The following PAX1 variants were observed in gnomAD, a reference collection of about 807,000 sequenced individuals.
PAX1 encodes paired box protein Pax-1.
A neutral mutation model predicts 35.6 loss-of-function variants in PAX1; 18 were observed. The ratio of observed to expected loss-of-function variants is 0.50; its 90% CI spans 0.35 to 0.75. The LOEUF (loss-of-function observed/expected upper bound fraction) is 0.75. Ranked by LOEUF, PAX1 falls within the 30% of genes least tolerant of loss-of-function variation. PAX1 has a pLI of 0.01. For synonymous variants in PAX1, 397 were observed against 305.2 expected, an observed-to-expected ratio of 1.30 and a Z score of -3.14; for missense variants, 760 against 661.5, an observed-to-expected ratio of 1.15 and a Z score of -1.63.
intron 4 of PAX1, among the ~76,000 whole-genome samples, chr20:21,712,788 G>C (rs1458272250): frequency 1.3e-5 from 2 of 152,182 alleles, no homozygotes; most frequent in East Asian, 1.9e-4. Flanking sequence ...TGTCGCACCC[G>C]GACGCTGGCA....
chr20:21,715,752 T>C lies in PAX1; in HGVS notation c.*1190T>C. The C allele has an allele frequency of 6.6e-6, 1 of 152,666 alleles. No individual in the cohort carries two copies. Among genetic ancestry groups the C allele is most frequent in the Non-Finnish European group, 1.5e-5 (1 of 68,512 alleles). The allele number at this position is 152,666 out of a possible 1,614,324, so 9.5% of individuals were successfully genotyped here. ...ATTTGGACTTCTGGTTTGCAAGGGATGAGGGTTAAAAAAAACAAAACAAAA... is the reference window on the plus strand; with the variant it reads ...ATTTGGACTTCTGGTTTGCAAGGGACGAGGGTTAAAAAAAACAAAACAAAA... On this transcript the variant is annotated 3_prime_UTR_variant, in exon 5 of 5. Coordinates refer to ENST00000613128, the MANE Select transcript of PAX1 (RefSeq NM_001257096.2).
In PAX1 at chr20:21,714,638, G is replaced by C. The variant is rs1272814537; in HGVS notation, c.*76G>C. 6.3e-7 allele frequency: 1 copy of C among 1,579,276 alleles called. No homozygotes were observed. The highest frequency in any genetic ancestry group is 1.8e-5 in the Admixed American group (1 of 54,958). ...GCGCACAGGTCTGCGCGGCGGCCCC[G>C]GCAATCGGCACGGGCAGGATCGGAG... On this transcript the variant is annotated 3_prime_UTR_variant, in exon 5 of 5. Coordinates refer to ENST00000613128, the MANE Select transcript of PAX1 (RefSeq NM_001257096.2).
In PAX1 at chr20:21,716,256, C is replaced by T. The variant is rs962836397; in HGVS notation, c.*1694C>T. ...GGGGGTTTGCACTACAAAGGGGCTT[C>T]CGGCTAATTGTTTTTTTTTCCTGCC... On this transcript the variant is annotated 3_prime_UTR_variant, in exon 5 of 5. Coordinates refer to ENST00000613128, the MANE Select transcript of PAX1 (RefSeq NM_001257096.2). 1 of 144,954 alleles carries T rather than the reference C, an allele frequency of 6.9e-6. No individual in the cohort carries two copies. Among genetic ancestry groups the T allele is most frequent in the Non-Finnish European group, 1.5e-5 (1 of 67,954 alleles). The allele number at this position is 144,954 out of a possible 1,614,324, so 9.0% of individuals were successfully genotyped here. A position where few individuals can be genotyped will look rare whatever the true frequency, so the allele number is the denominator to read the frequency against.
chr20:21,705,896 C>T lies in PAX1; in HGVS notation c.184C>T (p.Arg62Cys). The change falls in exon 1 of 5, where the codon CGC (arginine) becomes TGC (cysteine). Residue 62 changes from arginine to cysteine, a missense_variant. Around this residue, in one of 3 missense-constraint regions of PAX1, gnomAD observed 222 missense variants for 153.0 expected, o/e 1.45. Coordinates refer to ENST00000613128, the MANE Select transcript of PAX1 (RefSeq NM_001257096.2). ...GGGCGCCCTCCCTCTATGCCTCTCA[C>T]GCGGCGGCGGCGGCGCCCAAGCTCT... is the stretch of plus-strand genomic sequence containing the variant. The part of the protein sequence containing the change: ...LSGALPLCLS[R>C]GGGGAQALPD... 7.1e-7 allele frequency: 1 copy of T among 1,398,674 alleles called. No homozygotes were observed. Among genetic ancestry groups the T allele is most frequent in the East Asian group, 3.2e-5 (1 of 31,110 alleles). 86.6% of individuals were successfully genotyped at this position (1,398,674 alleles called of 1,614,324 possible).
At chr20:21,711,940 A>T (rs1316529498) in intron 4 of PAX1, among the ~76,000 whole-genome samples, 1 of 152,254 alleles carries the variant, frequency 6.6e-6, no homozygotes, top group Non-Finnish European at 1.5e-5. Flanking sequence ...CCCAGAGGAC[A>T]ATTTACTATC....
chr20:21,706,828 G>C lies in PAX1; in HGVS notation c.677G>C (p.Gly226Ala). The stretch of plus-strand genomic sequence containing the variant: ...AGCCGCATCCTGCGCAACAAGATCG[G>C]CAGCCTGGCGCAGCCCGGACCGTAC... ...SISRILRNKI[G>A]SLAQPGPYEA... The change falls in exon 2 of 5, where the codon GGC (glycine) becomes GCC (alanine). Residue 226 changes from glycine (G) to alanine (A), a missense_variant. Gly to Ala is a moderately conservative substitution (Grantham distance 60). Transcript: ENST00000613128. This position sits in a 1 kb window ranked among gnomAD's most constrained non-coding sequence, Gnocchi z 5.3. The C allele has an allele frequency of 6.2e-7, 1 of 1,613,444 alleles. No homozygotes were observed. The highest frequency in any genetic ancestry group is 8.5e-7 in the Non-Finnish European group (1 of 1,180,014).
rs775461572 is a variant in PAX1 at position 21,706,286 on chromosome 20, G to T, written c.287-152G>T. The T allele has an allele frequency of 1.9e-6, 2 of 1,042,168 alleles. No homozygotes were observed. Among genetic ancestry groups the T allele is most frequent in the African/African-American group, 1.6e-5 (1 of 63,696 alleles). The allele number at this position is 1,042,168 out of a possible 1,614,324, so 64.6% of individuals were successfully genotyped here. The stretch of plus-strand genomic sequence containing the variant: ...TGCCCACTCCAAGCCAGACCCAGGC[G>T]GTTTGCCCTTGGACTCCGAGCTGTC... On this transcript the variant is annotated intron_variant, in intron 1 of 4. Transcript: ENST00000613128. The surrounding 1 kb of genome is among the most constrained non-coding windows in gnomAD (Gnocchi z 5.3).
At chr20:21,710,714 G>A (rs1985175779) in intron 4 of PAX1, among the ~76,000 whole-genome samples, 1 of 151,950 alleles carries the variant, frequency 6.6e-6, no homozygotes, top group African/African-American at 2.4e-5. Flanking sequence ...GGGGCAGGAA[G>A]GAAATAAAGA....
chr20:21,714,998 C>T lies in PAX1; in HGVS notation c.*436C>T. The T allele has an allele frequency of 1.5e-6, 1 of 654,420 alleles. No individual in the cohort carries two copies. Among genetic ancestry groups the T allele is most frequent in the Non-Finnish European group, 2.7e-6 (1 of 366,230 alleles). The allele number at this position is 654,420 out of a possible 1,614,324, so 40.5% of individuals were successfully genotyped here. The stretch of plus-strand genomic sequence containing the variant: ...CTCCCTACCTTCCACCCCGGCTTTC[C>T]CCGACCTTCCAGGGCTCCCTCTGCC... On this transcript the variant is annotated 3_prime_UTR_variant, in exon 5 of 5. Transcript: ENST00000613128.
Position 21,714,694 on chromosome 20 carries a change from C to T in PAX1, c.*132C>T, listed in dbSNP as rs745305598. On this transcript the variant is annotated 3_prime_UTR_variant, in exon 5 of 5. Transcript: ENST00000613128. ...GCGGAGGAGGAAGCCAGTGCCGGCCCGCGGGGTGCACGCCCAGCCAGCCCC... is the reference window on the plus strand; with the variant it reads ...GCGGAGGAGGAAGCCAGTGCCGGCCTGCGGGGTGCACGCCCAGCCAGCCCC... 6.2e-7 allele frequency: 1 copy of T among 1,606,030 alleles called. No individual in the cohort carries two copies. Among genetic ancestry groups the T allele is most frequent in the Non-Finnish European group, 8.5e-7 (1 of 1,179,372 alleles).
In PAX1 at chr20:21,708,355, G is replaced by T. The variant is rs993370464; in HGVS notation, c.917-203G>T. The T allele has an allele frequency of 8.4e-6, 6 of 717,818 alleles. No homozygotes were observed. The African/African-American group carries it at 8.6e-5, about 10-fold the overall frequency. 44.5% of individuals were successfully genotyped at this position (717,818 alleles called of 1,614,324 possible). A position where few individuals can be genotyped will look rare whatever the true frequency, so the allele number is the denominator to read the frequency against. The stretch of plus-strand genomic sequence containing the variant: ...ACCGGTTGAAGGCTAGGAGGACCGG[G>T]CAGCAGGCCTGGCTGCCTTTCCTCC... On this transcript the variant is annotated intron_variant, in intron 2 of 4. Coordinates refer to ENST00000613128, the MANE Select transcript of PAX1 (RefSeq NM_001257096.2).
chr20:21,713,218 T>C (rs1483593669), intron 4 of PAX1, among the ~76,000 whole-genome samples: 3 of 152,184 alleles, frequency 2.0e-5, no homozygotes, highest in Non-Finnish European at 4.4e-5. Context: ...GAAGTGTGTG[T>C]CCACGGTAGA....
intron 4 of PAX1, among the ~76,000 whole-genome samples, chr20:21,709,728 C>T (rs566201459): frequency 2.6e-5 from 4 of 152,162 alleles, no homozygotes; most frequent in Admixed American, 6.5e-5. Flanking sequence ...ACACAGGACG[C>T]GTGGGTTTGG....
rs2122150011 is a variant in PAX1, at chr20:21,714,654, A to G, written c.*92A>G. On this transcript the variant is annotated 3_prime_UTR_variant, in exon 5 of 5. Transcript: ENST00000613128. ...GGCGGCCCCGGCAATCGGCACGGGC[A>G]GGATCGGAGGACTCGCGGAGGAGGA... The G allele has an allele frequency of 6.3e-7, 1 of 1,597,712 alleles. No homozygotes were observed. The highest frequency in any genetic ancestry group is 8.5e-7 in the Non-Finnish European group (1 of 1,174,940).
rs149646613 is a variant in PAX1 at position 21,714,652 on chromosome 20, G to A, written c.*90G>A. 1.1e-4 allele frequency: 172 copies of A among 1,595,182 alleles called. No individual in the cohort carries two copies. The highest frequency in any genetic ancestry group is 2.5e-4 in the African/African-American group (19 of 74,808). On this transcript the variant is annotated 3_prime_UTR_variant, in exon 5 of 5. Transcript: ENST00000613128. ...GCGGCGGCCCCGGCAATCGGCACGGGCAGGATCGGAGGACTCGCGGAGGAG... is the reference window on the plus strand; with the variant it reads ...GCGGCGGCCCCGGCAATCGGCACGGACAGGATCGGAGGACTCGCGGAGGAG...
rs1422596464 is a variant in PAX1 at position 21,714,751 on chromosome 20, C to A, written c.*189C>A. On this transcript the variant is annotated 3_prime_UTR_variant, in exon 5 of 5. Transcript: ENST00000613128. ...CAGCCCTGCCTCTGGCCGGACCCAC[C>A]ACACTTCCTTTATTGGTCTGGGTTT... 1 of 1,602,952 alleles carries A rather than the reference C, an allele frequency of 6.2e-7. No individual in the cohort carries two copies.
chr20:21,712,271 A>AT (rs1159460972), intron 4 of PAX1, among the ~76,000 whole-genome samples: 3 of 152,188 alleles, frequency 2.0e-5, no homozygotes, highest in Admixed American at 2.0e-4. Flanking sequence ...TTTTTTTCTT[A>AT]TTTTTTAAAA....
At chr20:21,708,491 G>C in intron 2 of PAX1, 67 bp from the exon 3 acceptor site, 2 of 1,577,776 alleles carry the variant, frequency 1.3e-6, no homozygotes, top group Non-Finnish European at 1.7e-6. Flanking sequence ...CAAATTGGGT[G>C]GTTGGCCACA....
chr20:21,708,523 G>C (rs779397497), intron 2 of PAX1, 35 bp from the exon 3 acceptor site: 1 of 1,612,074 alleles, frequency 6.2e-7, no homozygotes, highest in Non-Finnish European at 8.5e-7. Context: ...GGCAGATTCG[G>C]AGGCACCTTT....
Sources: allele counts gnomAD v4.1 joint callset (sites outside exome capture counted in the v4.1 genomes callset), GRCh38; gene constraint gnomAD v4.1.1; regional missense constraint gnomAD v4.1.1; non-coding constraint Gnocchi (gnomAD v3.1); transcripts MANE v1.5; gene names NCBI Gene and HGNC (gene_info 2026-07-23, HGNC 2026-07-21).